Variants in PPP6R2 observed in about 807,000 individuals in gnomAD.
PPP6R2 encodes the protein serine/threonine-protein phosphatase 6 regulatory subunit 2.
In PPP6R2, 62 loss-of-function variants were observed where a neutral mutation model predicts 100.2. That is an observed-to-expected ratio of 0.62 (90% CI 0.50 to 0.76). The LOEUF is 0.76. Among genes scored for constraint, PPP6R2 ranks in the 30% least tolerant of loss-of-function variants. The pLI, the probability that PPP6R2 is intolerant of heterozygous loss-of-function variation, is 0.00. For missense variants in PPP6R2, 1,142 were observed against 1,276.3 expected (o/e 0.89, Z 1.60); for synonymous variants, 525 against 514.7 (o/e 1.02, Z -0.27).
upstream of PPP6R2, among the ~76,000 whole-genome samples, chr22:50,342,016 G>A (rs905963078): frequency 6.6e-6 from 1 of 151,948 alleles, no homozygotes; most frequent in African/African-American, 2.4e-5. Flanking sequence ...AGGAGGAGAG[G>A]GGCTCCTGCT....
At position 50,378,582 on chromosome 22, in the gene PPP6R2, GA is replaced by G. The variant is rs1555995375; in HGVS notation, c.-17+6443del. ...GCCTGGGCAACAAGAGCAAAACTCT[GA>G]AAAAAAAAAATTATCTACTGTAGTT... On this transcript the variant is annotated intron_variant, in intron 2 of 23. Coordinates refer to ENST00000612753, the MANE Select transcript of PPP6R2 (RefSeq NM_001242898.2). 1.7e-3 allele frequency among the ~76,000 whole-genome samples: 204 copies of G among 117,234 alleles called. 1 individual carries two copies. Among genetic ancestry groups the G allele is most frequent in the Middle Eastern group, 9.3e-3 (2 of 216 alleles). 76.9% of individuals were successfully genotyped at this position (117,234 alleles called of 152,430 possible). A position where few individuals can be genotyped will look rare whatever the true frequency, so the allele number is the denominator to read the frequency against.
Position 50,444,959 on chromosome 22 carries a change from C to G in PPP6R2, c.*712C>G, listed in dbSNP as rs774244724. 6.5e-6 allele frequency: 1 copy of G among 152,732 alleles called. No individual in the cohort carries two copies. The highest frequency in any genetic ancestry group is 1.5e-5 in the Non-Finnish European group (1 of 68,168). The allele number at this position is 152,732 out of a possible 1,614,324, so 9.5% of individuals were successfully genotyped here. On this transcript the variant is annotated 3_prime_UTR_variant, in exon 24 of 24. Coordinates refer to ENST00000612753, the MANE Select transcript of PPP6R2 (RefSeq NM_001242898.2). ...GCTCGAAGACTGGTTTCTAGCACTACCGGTCACGGCCATGTCGTCCTAGAA... is the reference window on the plus strand; with the variant it reads ...GCTCGAAGACTGGTTTCTAGCACTAGCGGTCACGGCCATGTCGTCCTAGAA...
At chr22:50,440,588 G>T (rs1380725257) in intron 21 of PPP6R2, among the ~76,000 whole-genome samples, 3 of 152,230 alleles carry the variant, frequency 2.0e-5, no homozygotes, top group African/African-American at 7.2e-5. Context: ...CCTCCTGTGA[G>T]ACCAGGGCAT....
chr22:50,414,924 C>G (rs935050533), intron 5 of PPP6R2, among the ~76,000 whole-genome samples: 7 of 152,276 alleles, frequency 4.6e-5, no homozygotes, highest in Non-Finnish European at 7.3e-5. Context: ...TCCCCGCAGT[C>G]TCCAGCCTCC....
chr22:50,436,564 C>T, intron 14 of PPP6R2, 112 bp downstream of exon 14: 1 of 1,021,994 alleles, frequency 9.8e-7, no homozygotes, highest in East Asian at 2.6e-5. Context: ...GGCCGCACGC[C>T]TGCCTGCTCC....
At position 50,432,202 on chromosome 22, in the gene PPP6R2, G is replaced by A. The variant is rs1020588682; in HGVS notation, c.1336-63G>A. 1.9e-5 allele frequency: 27 copies of A among 1,431,574 alleles called. No individual in the cohort carries two copies. In the African/African-American group the frequency reaches 3.5e-4, roughly 19 times the overall value. The allele number at this position is 1,431,574 out of a possible 1,614,324, so 88.7% of individuals were successfully genotyped here. A position where few individuals can be genotyped will look rare whatever the true frequency, so the allele number is the denominator to read the frequency against. On this transcript the variant is annotated intron_variant, in intron 11 of 23. Transcript: ENST00000612753. ...GCCAGCCCTGCCCAGTCCAGGGATG[G>A]GTGGAGGGGTGCGTGCCGCCTTCAG...
chr22:50,364,632 C>T (rs1490353041), intron 1 of PPP6R2, among the ~76,000 whole-genome samples: 2 of 152,082 alleles, frequency 1.3e-5, no homozygotes, highest in Non-Finnish European at 2.9e-5. Context: ...AGAAAGTTGA[C>T]AAAGGTAGCT....
chr22:50,394,463 G>T (rs1211417480), intron 3 of PPP6R2, among the ~76,000 whole-genome samples: 1 of 151,734 alleles, frequency 6.6e-6, no homozygotes, highest in African/African-American at 2.4e-5. Flanking sequence ...GCCAGATGTG[G>T]TGTTGTAGAC....
chr22:50,379,631 G>C (rs2052433830), intron 2 of PPP6R2, among the ~76,000 whole-genome samples: 1 of 152,184 alleles, frequency 6.6e-6, no homozygotes, highest in African/African-American at 2.4e-5. Context: ...AGTGGCTCCT[G>C]CCTGTAATTC....
At position 50,393,660 on chromosome 22, in the gene PPP6R2, A is replaced by G. The variant is rs564991560; in HGVS notation, c.-16-233A>G. On this transcript the variant is annotated intron_variant, in intron 2 of 23. Transcript: ENST00000612753. ...AGCTGGGAAGTCTGCTAACTTTGTG[A>G]GCCCAACCTGGAGAGGTCTGATGGG... 7.2e-6 allele frequency: 7 copies of G among 967,696 alleles called. No homozygotes were observed. The South Asian group carries it at 2.9e-4, about 40-fold the overall frequency. 59.9% of individuals were successfully genotyped at this position (967,696 alleles called of 1,614,324 possible).
intron 1 of PPP6R2, among the ~76,000 whole-genome samples, chr22:50,370,966 T>C (rs1330364766): frequency 6.6e-6 from 1 of 152,210 alleles, no homozygotes; most frequent in Non-Finnish European, 1.5e-5. Context: ...AAACCCTTTG[T>C]AGAGGTCAGG....
intron 1 of PPP6R2, among the ~76,000 whole-genome samples, chr22:50,355,229 CTTTT>C (rs1221685126): frequency 1.5e-5 from 2 of 131,150 alleles, no homozygotes; most frequent in Admixed American, 7.9e-5. Flanking sequence ...AAGCAGCCTT[CTTTT>C]TTTTTTTTTT....
intron 18 of PPP6R2, 29 bp from the exon 19 acceptor site, chr22:50,438,570 C>G (rs767126423): frequency 6.2e-7 from 1 of 1,612,068 alleles, no homozygotes; most frequent in Non-Finnish European, 8.5e-7. Flanking sequence ...TCCTGGGCCA[C>G]CAGACATCTG....
chr22:50,391,208 C>T (rs1317854763), intron 2 of PPP6R2, among the ~76,000 whole-genome samples: 1 of 151,294 alleles, frequency 6.6e-6, no homozygotes, highest in Non-Finnish European at 1.5e-5. Flanking sequence ...CCTAGGTGGG[C>T]GGATCACGAG....
At chr22:50,402,058 T>C (rs920722984) in intron 3 of PPP6R2, among the ~76,000 whole-genome samples, 5 of 152,140 alleles carry the variant, frequency 3.3e-5, no homozygotes, top group Admixed American at 2.0e-4. Context: ...TAAAAGAGTT[T>C]CCTTCTGTTC....
chr22:50,347,855 CTT>C (rs1243112728), intron 1 of PPP6R2, among the ~76,000 whole-genome samples: 1 of 152,210 alleles, frequency 6.6e-6, no homozygotes, highest in African/African-American at 2.4e-5. Context: ...CTCTTCACCT[CTT>C]TTTGATGTCC....
At chr22:50,351,756 C>G (rs1469268377) in intron 1 of PPP6R2, among the ~76,000 whole-genome samples, 1 of 152,120 alleles carries the variant, frequency 6.6e-6, no homozygotes, top group Non-Finnish European at 1.5e-5. Flanking sequence ...GCCTCAGCCT[C>G]TTGAGTAGCT....
chr22:50,442,284 C>T (rs1342786712), intron 22 of PPP6R2, among the ~76,000 whole-genome samples: 1 of 152,246 alleles, frequency 6.6e-6, no homozygotes, highest in East Asian at 1.9e-4. Context: ...GCATCTCCCC[C>T]AGCCAAGCTG....
At position 50,409,998 on chromosome 22, in the gene PPP6R2, GAT is replaced by G. The variant is rs1434920805; in HGVS notation, c.414+3124_414+3125del. On this transcript the variant is annotated intron_variant, in intron 4 of 23. Coordinates refer to ENST00000612753, the MANE Select transcript of PPP6R2 (RefSeq NM_001242898.2). ...CTGCTTCAGCTTCCCAAAGTGCTGG[GAT>G]TACAGGTGTGAGCCACTGCACACGG... Among the ~76,000 whole-genome samples the G allele has an allele frequency of 1.0e-3, 156 of 152,284 alleles. 2 individuals are homozygous for G. Among genetic ancestry groups the G allele is most frequent in the Non-Finnish European group, 1.0e-4 (7 of 68,020 alleles).
Sources: allele counts gnomAD v4.1 joint callset (sites outside exome capture counted in the v4.1 genomes callset), GRCh38; gene constraint gnomAD v4.1.1; transcripts MANE v1.5; gene names NCBI Gene and HGNC (gene_info 2026-07-23, HGNC 2026-07-21).